Variants in AFF3 observed in about 807,000 individuals in gnomAD.
AFF3 encodes ALF transcription elongation factor 3.
A neutral mutation model predicts 129.7 loss-of-function variants in AFF3; 32 were observed. The observed-to-expected ratio is 0.25, with a 90% confidence interval of 0.19 to 0.33. AFF3 has a LOEUF of 0.33. Ranked by LOEUF, AFF3 falls within the 10% of genes least tolerant of loss-of-function variation. The pLI, the probability that AFF3 is intolerant of heterozygous loss-of-function variation, is 1.00. For synonymous variants in AFF3, 644 were observed against 635.4 expected (o/e 1.01, Z -0.20); for missense variants, 1,373 against 1,592.0 (o/e 0.86, Z 2.34).
At chr2:100,112,165 A>T (rs539714190) in intron 2 of AFF3, among the ~76,000 whole-genome samples, 1 of 152,318 alleles carries the variant, frequency 6.6e-6, no homozygotes, top group East Asian at 1.9e-4. Context: ...AAGAGCAAAG[A>T]AAGAAGTCTT....
chr2:99,594,020 C>G lies in AFF3; in HGVS notation c.1641G>C (p.Gln547His), dbSNP rs370971454. 8 of 1,587,660 alleles carry G rather than the reference C, an allele frequency of 5.0e-6. No homozygotes were observed. Among genetic ancestry groups the G allele is most frequent in the East Asian group, 2.3e-5 (1 of 44,428 alleles). ...CGGCCACGGCCGCGGGCGGGGACTT[C>G]TGCTTCACGCCTTTACTCCCAGGGG... Reference protein sequence around the residue: ...NKAPGSKGVKQKSPPAAVAVA... With the variant: ...NKAPGSKGVKHKSPPAAVAVA... The change falls in exon 15 of 25, where the codon CAG becomes CAC. Residue 547 changes from glutamine (Q) to histidine (H), a missense_variant. By Grantham distance (24) the Gln-to-His change is conservative (BLOSUM62 0). Around this residue, in one of 9 missense-constraint regions of AFF3, gnomAD observed 413 missense variants for 424.4 expected, o/e 0.97. Coordinates refer to ENST00000672756, the MANE Select transcript of AFF3 (RefSeq NM_001386135.1).
intron 8 of AFF3, among the ~76,000 whole-genome samples, chr2:99,806,164 A>G (rs1283758956): frequency 6.6e-6 from 1 of 152,224 alleles, no homozygotes; most frequent in East Asian, 1.9e-4. Flanking sequence ...GATCCGATCA[A>G]CTTGGTTTCT....
intron 7 of AFF3, among the ~76,000 whole-genome samples, chr2:99,980,910 A>G (rs1679341196): frequency 6.6e-6 from 1 of 152,248 alleles, no homozygotes; most frequent in South Asian, 2.1e-4. Context: ...CTGCATATTT[A>G]TAAAATTGGG....
intron 7 of AFF3, among the ~76,000 whole-genome samples, chr2:99,931,903 T>G (rs1226339033): frequency 1.3e-5 from 2 of 152,206 alleles, no homozygotes. Flanking sequence ...AGTAAGACTC[T>G]GTCTCAACAA....
At chr2:99,859,582 A>G (rs1400839105) in intron 7 of AFF3, among the ~76,000 whole-genome samples, 2 of 152,242 alleles carry the variant, frequency 1.3e-5, no homozygotes, top group Admixed American at 1.3e-4. Flanking sequence ...ACCATCATCT[A>G]GAAATGCATT....
intron 4 of AFF3, among the ~76,000 whole-genome samples, chr2:100,083,583 T>A (rs1420112824): frequency 6.6e-6 from 1 of 152,062 alleles, no homozygotes. Context: ...TTCTCTGAGC[T>A]CCACCTCAGC....
At chr2:99,912,971 C>T (rs984611213) in intron 7 of AFF3, among the ~76,000 whole-genome samples, 1 of 152,182 alleles carries the variant, frequency 6.6e-6, no homozygotes, top group African/African-American at 2.4e-5. Context: ...AAACCTCCAT[C>T]TGCGCCCCAA....
rs181247234 is a variant in AFF3 at position 99,685,584 on chromosome 2, A to C, written c.1092-12995T>G. Among the ~76,000 whole-genome samples, 777 of 152,346 alleles carry C rather than the reference A, an allele frequency of 5.1e-3. 6 individuals carry two copies. Among genetic ancestry groups the C allele is most frequent in the African/African-American group, 0.017 (713 of 41,564 alleles). ...GGTATATTTCGAGTTTATATAAAAA[A>C]AGAGTAAAACTGCAGAATCAAGTCC... is the stretch of plus-strand genomic sequence containing the variant. On this transcript the variant is annotated intron_variant, in intron 11 of 24. Transcript: ENST00000672756.
chr2:99,731,938 T>C (rs1435753105), intron 10 of AFF3, among the ~76,000 whole-genome samples: 2 of 152,212 alleles, frequency 1.3e-5, no homozygotes, highest in Non-Finnish European at 2.9e-5. Context: ...GAAATGTATA[T>C]AGACACTTTC....
chr2:99,896,774 T>A (rs1694000711), intron 7 of AFF3, among the ~76,000 whole-genome samples: 1 of 151,778 alleles, frequency 6.6e-6, no homozygotes, highest in African/African-American at 2.4e-5. Flanking sequence ...TAGCTGGGAC[T>A]ACAGGCACGC....
intron 2 of AFF3, among the ~76,000 whole-genome samples, chr2:100,111,136 A>T (rs934353969): frequency 2.0e-5 from 3 of 152,116 alleles, no homozygotes; most frequent in Admixed American, 6.5e-5. Flanking sequence ...GGACCATCCT[A>T]CCCAGATCTG....
intron 8 of AFF3, among the ~76,000 whole-genome samples, chr2:99,806,842 G>A (rs1686393710): frequency 6.6e-6 from 1 of 152,174 alleles, no homozygotes; most frequent in Non-Finnish European, 1.5e-5. Flanking sequence ...ATACCACTGA[G>A]AATCCACAGT....
intron 7 of AFF3, among the ~76,000 whole-genome samples, chr2:99,896,652 TGGAGAC>T (rs1310669076): frequency 1.6e-5 from 2 of 127,442 alleles, no homozygotes; most frequent in African/African-American, 7.1e-5. Flanking sequence ...TTTTTTTTTT[TGGAGAC>T]GGAGTCTCAC....
At chr2:99,606,831 G>A (rs534495178) in intron 13 of AFF3, among the ~76,000 whole-genome samples, 1 of 147,922 alleles carries the variant, frequency 6.8e-6, no homozygotes, top group Non-Finnish European at 1.5e-5. Flanking sequence ...GGAGAATGGT[G>A]TGAACCCGGG....
intron 8 of AFF3, among the ~76,000 whole-genome samples, chr2:99,778,747 A>G (rs906439699): frequency 6.6e-6 from 1 of 152,186 alleles, no homozygotes; most frequent in Admixed American, 6.5e-5. Context: ...ATGCTATTGT[A>G]AATGAAATTT....
intron 7 of AFF3, among the ~76,000 whole-genome samples, chr2:99,878,358 CT>C (rs1190138033): frequency 6.6e-6 from 1 of 152,114 alleles, no homozygotes; most frequent in Non-Finnish European, 1.5e-5. Context: ...CTTAATCAGA[CT>C]TTTTTGTACT....
At chr2:100,065,885 G>A (rs1218903890) in intron 4 of AFF3, among the ~76,000 whole-genome samples, 1 of 152,160 alleles carries the variant, frequency 6.6e-6, no homozygotes, top group Non-Finnish European at 1.5e-5. Context: ...GAGTTTCCAA[G>A]AAAAGAAGAT....
intron 4 of AFF3, among the ~76,000 whole-genome samples, chr2:100,075,353 A>C (rs543804856): frequency 6.6e-6 from 1 of 152,272 alleles, no homozygotes. Context: ...GTTTGGGGCA[A>C]TCATTTTGCC....
Position 99,593,844 on chromosome 2 carries a change from T to C in AFF3, c.1817A>G (p.Glu606Gly). 6.3e-7 allele frequency: 1 copy of C among 1,597,036 alleles called. No homozygotes were observed. Among genetic ancestry groups the C allele is most frequent in the Admixed American group, 1.7e-5 (1 of 57,648 alleles). ...CAGCGCGTCCGCGGCCGCGGGCTCC[T>C]CGGGCCGGTGGCAGTTGGCGCCGTC... ...AGDGANCHRP[E>G]EPAAADALGT... Residue 606 changes from glutamate to glycine, a missense_variant, in exon 15 of 25, where the codon GAG becomes GGG. Transcript: ENST00000672756.
Sources: allele counts gnomAD v4.1 joint callset (sites outside exome capture counted in the v4.1 genomes callset), GRCh38; gene constraint gnomAD v4.1.1; regional missense constraint gnomAD v4.1.1; transcripts MANE v1.5; gene names NCBI Gene and HGNC (gene_info 2026-07-23, HGNC 2026-07-21).